The following OPN3 variants were observed in gnomAD, a reference collection of about 807,000 sequenced individuals.
The protein encoded by OPN3 is opsin 3.
OPN3 carries 29 observed loss-of-function variants against 33.8 expected under a neutral mutation model. The ratio of observed to expected loss-of-function variants is 0.86; its 90% CI spans 0.64 to 1.17. OPN3 has a LOEUF of 1.17. Ranked by LOEUF, OPN3 falls within the 50% of genes most tolerant of loss-of-function variation. The pLI is 0.00. For synonymous variants in OPN3, 216 were observed against 216.1 expected (o/e 1.00, Z 0.00); for missense variants, 437 against 514.1 (o/e 0.85, Z 1.45).
chr1:241,604,641 G>A (rs1286287394), intron 1 of OPN3, 62 bp from the exon 2 acceptor site: 23 of 1,414,946 alleles, frequency 1.6e-5, no homozygotes, highest in East Asian at 2.3e-5. Flanking sequence ...CATAAGAGAC[G>A]TGATACATTC....
chr1:241,616,090 C>T (rs1664117883), intron 1 of OPN3, among the ~76,000 whole-genome samples: 1 of 152,156 alleles, frequency 6.6e-6, no homozygotes, highest in Non-Finnish European at 1.5e-5. Context: ...CTGAAGATGT[C>T]CTGCAAGACC....
intron 3 of OPN3, 115 bp downstream of exon 3, chr1:241,597,631 A>T (rs1663560732): frequency 1.9e-6 from 2 of 1,078,048 alleles, no homozygotes; most frequent in Non-Finnish European, 2.6e-6. Flanking sequence ...ATTCCTAAAA[A>T]ATTCTTGTTT....
At position 241,594,152 on chromosome 1, in the gene OPN3, G is replaced by A; in HGVS notation, c.*276C>T. The A allele has an allele frequency of 2.8e-6, 1 of 353,118 alleles. No individual in the cohort carries two copies. The highest frequency in any genetic ancestry group is 5.1e-6 in the Non-Finnish European group (1 of 197,542). 21.9% of individuals were successfully genotyped at this position (353,118 alleles called of 1,614,324 possible). A position where few individuals can be genotyped will look rare whatever the true frequency, so the allele number is the denominator to read the frequency against. On this transcript the variant is annotated 3_prime_UTR_variant, in exon 4 of 4. Coordinates refer to ENST00000366554, the MANE Select transcript of OPN3 (RefSeq NM_014322.3). The stretch of plus-strand genomic sequence containing the variant: ...GTAATTTAAAAAATATATTTGAAAT[G>A]AAAATCTCCAACACATTAGAAGATG...
chr1:241,606,230 C>T (rs1359222819), intron 1 of OPN3, among the ~76,000 whole-genome samples: 4 of 152,044 alleles, frequency 2.6e-5, no homozygotes, highest in Admixed American at 6.6e-5. Context: ...GCGTGAGGGG[C>T]GAGAGGAGTT....
intron 1 of OPN3, among the ~76,000 whole-genome samples, chr1:241,609,494 A>AT (rs1419456071): frequency 2.0e-5 from 3 of 152,224 alleles, no homozygotes; most frequent in Non-Finnish European, 4.4e-5. Flanking sequence ...CTGCAGATGG[A>AT]TCAGGTATGT....
At chr1:241,621,330 A>T (rs964937405) in intron 1 of OPN3, among the ~76,000 whole-genome samples, 1 of 152,180 alleles carries the variant, frequency 6.6e-6, no homozygotes, top group Non-Finnish European at 1.5e-5. Context: ...GTCATAAGTC[A>T]AGGGACAACT....
At chr1:241,619,711 C>T (rs941403140) in intron 1 of OPN3, among the ~76,000 whole-genome samples, 6 of 152,214 alleles carry the variant, frequency 3.9e-5, no homozygotes, top group African/African-American at 1.2e-4. Flanking sequence ...ATGAAACAGA[C>T]TGATGTTACT....
chr1:241,631,681 G>A (rs1246716325), intron 1 of OPN3: 1 of 152,092 alleles, frequency 6.6e-6, no homozygotes, highest in African/African-American at 2.4e-5. Flanking sequence ...CATGAGATGT[G>A]TTACTGAAGA....
At chr1:241,618,011 AT>A (rs34195772) in intron 1 of OPN3, among the ~76,000 whole-genome samples, 31,764 of 151,610 alleles carry the variant, frequency 0.21, 3,648 homozygotes, top group Non-Finnish European at 0.27. Context: ...ACTAAAAAAA[AT>A]AAATAAATAA....
At chr1:241,604,900 C>A (rs1302260207) in intron 1 of OPN3, among the ~76,000 whole-genome samples, 2 of 151,456 alleles carry the variant, frequency 1.3e-5, no homozygotes, top group African/African-American at 2.4e-5. Flanking sequence ...ACAAAAGATA[C>A]AAAAATTAGC....
chr1:241,606,712 C>T (rs1663841294), intron 1 of OPN3, among the ~76,000 whole-genome samples: 1 of 151,968 alleles, frequency 6.6e-6, no homozygotes, highest in Admixed American at 6.6e-5. Context: ...CGTGAGCTTC[C>T]TGGAGCATAA....
In OPN3 at chr1:241,594,505, C is replaced by T; in HGVS notation, c.1132G>A (p.Asp378Asn). ...SSSIIFIITSDESLSVDDSDK... is the reference protein window; with the variant it reads ...SSSIIFIITSNESLSVDDSDK... ...CTGTCGTCAACTGACAGTGATTCAT[C>T]ACTGGTGATGATAAAAATGATGGAA... Residue 378 changes from aspartate to asparagine, a missense_variant, in exon 4 of 4, where the codon GAT (aspartate) becomes AAT (asparagine). Physicochemically the swap from Asp to Asn is conservative, Grantham distance 23 (BLOSUM62 1). Coordinates refer to ENST00000366554, the MANE Select transcript of OPN3 (RefSeq NM_014322.3). 1 of 1,614,146 alleles carries T rather than the reference C, an allele frequency of 6.2e-7. No individual in the cohort carries two copies. Among genetic ancestry groups the T allele is most frequent in the Non-Finnish European group, 8.5e-7 (1 of 1,180,000 alleles).
chr1:241,593,417 A>C lies in OPN3; in HGVS notation c.*1011T>G, dbSNP rs1036345853. On this transcript the variant is annotated 3_prime_UTR_variant, in exon 4 of 4. Transcript: ENST00000366554. The stretch of plus-strand genomic sequence containing the variant: ...ACATGATTAATTATGAAGATGAAAC[A>C]CTAGAGTCATATAAGAAATAAAAAT... 5.4e-5 allele frequency: 22 copies of C among 408,814 alleles called. No homozygotes were observed. Among genetic ancestry groups the C allele is most frequent in the Non-Finnish European group, 1.2e-4 (21 of 182,542 alleles). 25.3% of individuals were successfully genotyped at this position (408,814 alleles called of 1,614,324 possible). A position where few individuals can be genotyped will look rare whatever the true frequency, so the allele number is the denominator to read the frequency against.
At chr1:241,609,598 A>G (rs1663933751) in intron 1 of OPN3, among the ~76,000 whole-genome samples, 1 of 152,234 alleles carries the variant, frequency 6.6e-6, no homozygotes, top group Admixed American at 6.5e-5. Context: ...TATATCACAC[A>G]CAACATTACA....
intron 1 of OPN3, among the ~76,000 whole-genome samples, chr1:241,636,993 G>C (rs557562600): frequency 6.6e-6 from 1 of 152,088 alleles, no homozygotes; most frequent in African/African-American, 2.4e-5. Context: ...TGTTAACTTT[G>C]AGCATAATGC....
chr1:241,639,763 G>C (rs1366449757), intron 1 of OPN3, 119 bp downstream of exon 1: 15 of 1,065,720 alleles, frequency 1.4e-5, no homozygotes, highest in Non-Finnish European at 1.9e-5. Context: ...AGGGCGGGGG[G>C]CGCGGGGCCG....
chr1:241,628,439 G>A (rs1396510216), intron 1 of OPN3, among the ~76,000 whole-genome samples: 2 of 152,124 alleles, frequency 1.3e-5, no homozygotes, highest in Non-Finnish European at 2.9e-5. Context: ...CTGACTGGAA[G>A]AAAGGGTCTG....
chr1:241,606,184 G>A lies in OPN3; in HGVS notation c.374-1605C>T, dbSNP rs150688139. ...TGGATTCCAGAAACATTTAGCAACT[G>A]GTATCAACAGAATCTATCTGCTTAT... On this transcript the variant is annotated intron_variant, in intron 1 of 3. Coordinates refer to ENST00000366554, the MANE Select transcript of OPN3 (RefSeq NM_014322.3). Among the ~76,000 whole-genome samples the A allele has an allele frequency of 3.3e-4, 51 of 152,268 alleles. No individual in the cohort carries two copies. The East Asian group carries it at 9.6e-3, about 29-fold the overall frequency.
chr1:241,638,243 G>A (rs1287987801), intron 1 of OPN3, among the ~76,000 whole-genome samples: 1 of 152,112 alleles, frequency 6.6e-6, no homozygotes, highest in Non-Finnish European at 1.5e-5. Context: ...TCACTGGGCT[G>A]GGACCCTAGG....
Sources: gnomAD v4.1 joint callset for allele counts (sites outside exome capture counted in the v4.1 genomes callset) on GRCh38, gnomAD v4.1.1 for gene constraint, MANE v1.5 for transcripts, NCBI Gene and HGNC (gene_info 2026-07-23, HGNC 2026-07-21) for gene names.